CFAP20: variants seen among roughly 807,000 people sequenced by gnomAD.
CFAP20 encodes cilia and flagella associated protein 20.
Under a neutral mutation model 25.5 loss-of-function variants are expected in CFAP20, and 14 were observed. The observed-to-expected ratio is 0.55, with a 90% CI of 0.36 to 0.86. The LOEUF is 0.86. Ranked by LOEUF, CFAP20 falls within the 40% of genes least tolerant of loss-of-function variation. CFAP20 has a pLI of 0.01. For synonymous variants in CFAP20, 75 were observed against 91.1 expected (o/e 0.82, Z 1.01); for missense variants, 181 against 248.0 (o/e 0.73, Z 1.81).
At chr16:58,123,372 G>A (rs867427360) in intron 1 of CFAP20, among the ~76,000 whole-genome samples, 3 of 147,256 alleles carry the variant, frequency 2.0e-5, no homozygotes, top group East Asian at 2.1e-4. Flanking sequence ...CAAGGCAGGC[G>A]GATCACGAGG....
At position 58,116,949 on chromosome 16, in the gene CFAP20, T is replaced by A. The variant is rs1960465486; in HGVS notation, c.87A>T (p.Val29=). Residue 29 remains valine (V), a splice_region_variant and synonymous_variant, in exon 2 of 6, where the codon GTA becomes GTT. Transcript: ENST00000262498. ...SKPLQIWDKK[V]RNGHIKRITD... is the part of the protein sequence containing the mutation. The stretch of plus-strand genomic sequence containing the variant: ...TGATTCTTTTGATGTGGCCATTCCG[T>A]ACCTACAAGAAAGAAAATTCGATTA... The A allele has an allele frequency of 6.2e-7, 1 of 1,613,960 alleles. No individual in the cohort carries two copies. Among genetic ancestry groups the A allele is most frequent in the Non-Finnish European group, 8.5e-7 (1 of 1,179,828 alleles).
intron 1 of CFAP20, among the ~76,000 whole-genome samples, chr16:58,125,141 T>C (rs957396446): frequency 2.0e-5 from 3 of 152,224 alleles, no homozygotes; most frequent in African/African-American, 7.2e-5. Flanking sequence ...TTTTAAACTT[T>C]TTTGTTAAAA....
Position 58,129,332 on chromosome 16 carries a change from G to C in CFAP20, c.-217C>G. 1 of 547,530 alleles carries C rather than the reference G, an allele frequency of 1.8e-6. No homozygotes were observed. Among genetic ancestry groups the C allele is most frequent in the South Asian group, 2.4e-5 (1 of 41,998 alleles). The allele number at this position is 547,530 out of a possible 1,614,324, so 33.9% of individuals were successfully genotyped here. Reference sequence around the variant, plus strand: ...AGCTCCTAAGCTGCGAGCTCAGAACGGAAACCACAGCAACTACCGTCCGCG... The same window carrying C: ...AGCTCCTAAGCTGCGAGCTCAGAACCGAAACCACAGCAACTACCGTCCGCG... On this transcript the variant is annotated 5_prime_UTR_variant, in exon 1 of 6. Coordinates refer to ENST00000262498, the MANE Select transcript of CFAP20 (RefSeq NM_013242.3).
At chr16:58,120,141 C>T (rs897773485) in intron 1 of CFAP20, among the ~76,000 whole-genome samples, 4 of 152,242 alleles carry the variant, frequency 2.6e-5, no homozygotes, top group African/African-American at 9.6e-5. Context: ...CCAACTAATG[C>T]GAGCAGCCCT....
At chr16:58,128,740 C>T (rs1031538233) in intron 1 of CFAP20, among the ~76,000 whole-genome samples, 12 of 152,214 alleles carry the variant, frequency 7.9e-5, no homozygotes, top group African/African-American at 2.6e-4. Flanking sequence ...ATGGACTGAC[C>T]GACCAAGTCA....
chr16:58,120,562 G>C (rs1382746510), intron 1 of CFAP20, among the ~76,000 whole-genome samples: 1 of 152,190 alleles, frequency 6.6e-6, no homozygotes, highest in Non-Finnish European at 1.5e-5. Flanking sequence ...AGAAAACAAA[G>C]CCGTACAATG....
chr16:58,117,162 G>A, intron 1 of CFAP20: 1 of 542,448 alleles, frequency 1.8e-6, no homozygotes, highest in Non-Finnish European at 3.3e-6. Flanking sequence ...CCCTAAATCT[G>A]GGGAAACTTC....
intron 2 of CFAP20, 169 bp downstream of exon 2, chr16:58,116,703 T>C (rs1960461867): frequency 3.4e-6 from 2 of 592,226 alleles, no homozygotes; most frequent in Non-Finnish European, 6.0e-6. Flanking sequence ...ATTGTACAGA[T>C]GAGTATGCTA....
chr16:58,123,595 C>CA (rs574037205), intron 1 of CFAP20, among the ~76,000 whole-genome samples: 4,075 of 45,656 alleles, frequency 0.089, 1,221 homozygotes, highest in Non-Finnish European at 0.13. Flanking sequence ...GACTCTGTCT[C>CA]AAAAAAAAAA....
In CFAP20 at chr16:58,116,050, G is replaced by A. The variant is rs374579477; in HGVS notation, c.267C>T (p.Phe89=). 6.9e-6 allele frequency: 11 copies of A among 1,605,290 alleles called. No homozygotes were observed. Among genetic ancestry groups the A allele is most frequent in the East Asian group, 4.5e-5 (2 of 44,852 alleles). Residue 89 remains phenylalanine (F), a synonymous_variant, in exon 3 of 6, where the codon TTC becomes TTT. Coordinates refer to ENST00000262498, the MANE Select transcript of CFAP20 (RefSeq NM_013242.3). ...ATGTACACATACTTACCTGCACTTCGAAGGTAAAATACTTCTTCAGGTTTT... is the reference window on the plus strand; with the variant it reads ...ATGTACACATACTTACCTGCACTTCAAAGGTAAAATACTTCTTCAGGTTTT... ...IIKNLKKYFT[F]EVQVLDDKNV... is the part of the protein sequence containing the mutation.
At chr16:58,114,256 G>A (rs560940035) in intron 5 of CFAP20, among the ~76,000 whole-genome samples, 3 of 152,284 alleles carry the variant, frequency 2.0e-5, no homozygotes, top group South Asian at 2.1e-4. Context: ...GGCTGGGCAC[G>A]GTGGCTCACG....
intron 3 of CFAP20, 71 bp from the exon 4 acceptor site, chr16:58,115,528 G>A: frequency 1.9e-6 from 3 of 1,545,920 alleles, no homozygotes; most frequent in Non-Finnish European, 1.8e-6. Context: ...GTCCAGACAA[G>A]GACCTGAATT....
Position 58,121,740 on chromosome 16 carries a change from A to G in CFAP20, c.85-4789T>C, listed in dbSNP as rs180782760. On this transcript the variant is annotated intron_variant, in intron 1 of 5. Transcript: ENST00000262498. ...TTCCATGGTTGCTAGGGCAACTAATAAAGAACACCGATTTCTCTCCCTCCC... is the reference window on the plus strand; with the variant it reads ...TTCCATGGTTGCTAGGGCAACTAATGAAGAACACCGATTTCTCTCCCTCCC... Among the ~76,000 whole-genome samples the G allele has an allele frequency of 1.6e-3, 242 of 152,242 alleles. 1 individual carries two copies. Among genetic ancestry groups the G allele is most frequent in the African/African-American group, 5.6e-3 (231 of 41,544 alleles).
Position 58,113,749 on chromosome 16 carries a change from T to A in CFAP20, c.*276A>T. The A allele has an allele frequency of 2.2e-6, 1 of 447,142 alleles. No homozygotes were observed. 27.7% of individuals were successfully genotyped at this position (447,142 alleles called of 1,614,324 possible). On this transcript the variant is annotated 3_prime_UTR_variant, in exon 6 of 6. Transcript: ENST00000262498. ...GGCCATCTTTAATTCTGTAAGTTCATGGTAAAGGTATCTCCCCCCACACTG... is the reference window on the plus strand; with the variant it reads ...GGCCATCTTTAATTCTGTAAGTTCAAGGTAAAGGTATCTCCCCCCACACTG...
intron 3 of CFAP20, chr16:58,115,728 T>G (rs1960449012): frequency 1.8e-6 from 1 of 541,368 alleles, no homozygotes; most frequent in African/African-American, 1.9e-5. Context: ...ATGTTCTTCC[T>G]TTTGAAAAAT....
At chr16:58,116,605 G>A (rs1265061332) in intron 2 of CFAP20, 2 of 500,208 alleles carry the variant, frequency 4.0e-6, no homozygotes, top group Non-Finnish European at 7.1e-6. Flanking sequence ...CTTACTATGT[G>A]CTAAGCAAGG....
intron 1 of CFAP20, among the ~76,000 whole-genome samples, chr16:58,122,870 G>A (rs1483684022): frequency 1.3e-5 from 2 of 152,200 alleles, no homozygotes; most frequent in Non-Finnish European, 2.9e-5. Context: ...GAAGACTCTG[G>A]TCTAATATTT....
chr16:58,123,577 C>T (rs1228950164), intron 1 of CFAP20, among the ~76,000 whole-genome samples: 1 of 99,892 alleles, frequency 1.0e-5, no homozygotes, highest in Non-Finnish European at 1.9e-5. Context: ...GCCTGGGGGA[C>T]AGAGCAAGAC....
intron 1 of CFAP20, among the ~76,000 whole-genome samples, chr16:58,122,862 A>G (rs1960553480): frequency 6.6e-6 from 1 of 152,230 alleles, no homozygotes; most frequent in Non-Finnish European, 1.5e-5. Context: ...CAACAGCAGA[A>G]GACTCTGGTC....
Sources: allele counts gnomAD v4.1 joint callset (sites outside exome capture counted in the v4.1 genomes callset), GRCh38; gene constraint gnomAD v4.1.1; transcripts MANE v1.5; gene names NCBI Gene and HGNC (gene_info 2026-07-23, HGNC 2026-07-21).